ATP8B2: variants seen among roughly 807,000 people sequenced by gnomAD.
ATP8B2 encodes ATPase phospholipid transporting 8B2, also known as phospholipid-transporting ATPase ID.
Under a neutral mutation model 133.4 loss-of-function variants are expected in ATP8B2, and 70 were observed. The ratio of observed to expected loss-of-function variants is 0.52; its 90% CI spans 0.43 to 0.64. The LOEUF (loss-of-function observed/expected upper bound fraction) is 0.64, where lower values mean the gene tolerates loss of function less well. Among genes scored for constraint, ATP8B2 ranks in the 30% least tolerant of loss-of-function variants. The pLI, the probability that ATP8B2 is intolerant of heterozygous loss-of-function variation, is 0.00. For missense variants in ATP8B2, 1,101 were observed against 1,535.7 expected (o/e 0.72, Z 4.73); for synonymous variants, 517 against 589.5 (o/e 0.88, Z 1.78).
rs200445804 is a variant in ATP8B2 at position 154,342,982 on chromosome 1, G to C, written c.1453+21G>C. The stretch of plus-strand genomic sequence containing the variant: ...CGAAGGTGGGCCGAGGAGCCGGCTC[G>C]CACTCTCCTGACCTGACTCTGCCCT... On this transcript the variant is annotated intron_variant, in intron 15 of 27. Transcript: ENST00000368489. 11 of 1,611,936 alleles carry C rather than the reference G, an allele frequency of 6.8e-6. No homozygotes were observed. The Admixed American group carries it at 1.0e-4, about 15-fold the overall frequency.
Position 154,344,738 on chromosome 1 carries a change from G to A in ATP8B2, c.2239G>A (p.Glu747Lys), listed in dbSNP as rs755131540. ...LSSSKLTSVL[E>K]AVAGEYALVI... ...TTCTTCCAAGCTAACTTCTGTCCTG[G>A]AGGCCGTTGCTGGGGAGTACGCCCT... The change falls in exon 21 of 28, where the codon GAG (glutamate) becomes AAG (lysine). Residue 747 changes from glutamate to lysine, a missense_variant. Physicochemically the swap from Glu to Lys is moderately conservative, Grantham distance 56. Transcript: ENST00000368489. This position sits in a 1 kb window ranked among gnomAD's most constrained non-coding sequence, Gnocchi z 4.1. 3.7e-6 allele frequency: 6 copies of A among 1,610,350 alleles called. No individual in the cohort carries two copies. In the South Asian group the frequency reaches 6.6e-5, roughly 18 times the overall value.
At chr1:154,327,096 A>G (rs1685814824) in intron 1 of ATP8B2, among the ~76,000 whole-genome samples, 1 of 152,230 alleles carries the variant, frequency 6.6e-6, no homozygotes, top group South Asian at 2.1e-4. Context: ...GGTTGTGGCC[A>G]GAATCTGTAA....
chr1:154,344,045 G>A lies in ATP8B2; in HGVS notation c.1911G>A (p.Glu637=). Residue 637 remains glutamate, a synonymous_variant, in exon 18 of 28, where the codon GAG becomes GAA. Coordinates refer to ENST00000368489, the MANE Select transcript of ATP8B2 (RefSeq NM_001370597.1). This position sits in a 1 kb window ranked among gnomAD's most constrained non-coding sequence, Gnocchi z 4.1. The part of the protein sequence containing the change: ...DRLASIYEEV[E]NNMMLLGATA... Reference sequence around the variant, plus strand: ...TGGCTAGCATCTATGAGGAGGTTGAGAACAACATGATGGTACGGGCTGCGG... The same window carrying A: ...TGGCTAGCATCTATGAGGAGGTTGAAAACAACATGATGGTACGGGCTGCGG... 6.2e-7 allele frequency: 1 copy of A among 1,614,040 alleles called. No homozygotes were observed. Among genetic ancestry groups the A allele is most frequent in the South Asian group, 1.1e-5 (1 of 91,072 alleles).
Position 154,334,708 on chromosome 1 carries a change from G to T in ATP8B2, c.837+117G>T. 1 of 780,994 alleles carries T rather than the reference G, an allele frequency of 1.3e-6. No homozygotes were observed. 48.4% of individuals were successfully genotyped at this position (780,994 alleles called of 1,614,324 possible). ...TTCAGGTTTGGCTTTAAAGCTGCTA[G>T]CAGGTCAGCTACACAAAGGCAGTGT... On this transcript the variant is annotated intron_variant, in intron 11 of 27. Coordinates refer to ENST00000368489, the MANE Select transcript of ATP8B2 (RefSeq NM_001370597.1). The surrounding 1 kb of genome is among the most constrained non-coding windows in gnomAD (Gnocchi z 4.6).
In ATP8B2 at chr1:154,337,389, T is replaced by G. The variant is rs1257328745; in HGVS notation, c.879T>G (p.Ile293Met). 1 of 1,614,182 alleles carries G rather than the reference T, an allele frequency of 6.2e-7. No homozygotes were observed. The highest frequency in any genetic ancestry group is 1.3e-5 in the African/African-American group (1 of 75,050). ...TTTGCATGGGGGTGATCCTGGCCATTGGCAATGCCATCTGGGAGCACGAGG... is the reference window on the plus strand; with the variant it reads ...TTTGCATGGGGGTGATCCTGGCCATGGGCAATGCCATCTGGGAGCACGAGG... Reference protein sequence around the residue: ...FLVCMGVILAIGNAIWEHEVG... With the variant: ...FLVCMGVILAMGNAIWEHEVG... Residue 293 changes from isoleucine (I) to methionine (M), a missense_variant, in exon 12 of 28, where the codon ATT becomes ATG. By Grantham distance (10) the Ile-to-Met change is conservative (BLOSUM62 1). Transcript: ENST00000368489.
chr1:154,330,311 G>A, intron 2 of ATP8B2, 85 bp from the exon 3 acceptor site: 3 of 1,221,244 alleles, frequency 2.5e-6, no homozygotes, highest in Non-Finnish European at 3.6e-6. Context: ...ATGATATTCT[G>A]TGGAAAAAAA....
rs1291433051 is a variant in ATP8B2 at position 154,343,916 on chromosome 1, G to A, written c.1782G>A (p.Arg594=). The part of the protein sequence containing the change: ...HLNEYAGEGL[R]TLVLAYKDLD... ...AGGAGTACGCAGGGGAAGGGCTGAGGACCCTGGTGCTGGCCTACAAGGATC... is the reference window on the plus strand; with the variant it reads ...AGGAGTACGCAGGGGAAGGGCTGAGAACCCTGGTGCTGGCCTACAAGGATC... Residue 594 remains arginine, a synonymous_variant, in exon 18 of 28, where the codon AGG becomes AGA. Transcript: ENST00000368489. This position sits in a 1 kb window ranked among gnomAD's most constrained non-coding sequence, Gnocchi z 5.8. 1 of 1,612,908 alleles carries A rather than the reference G, an allele frequency of 6.2e-7. No individual in the cohort carries two copies. Among genetic ancestry groups the A allele is most frequent in the Non-Finnish European group, 8.5e-7 (1 of 1,179,492 alleles).
In ATP8B2 at chr1:154,343,959, G is replaced by A. The variant is rs753948391; in HGVS notation, c.1825G>A (p.Glu609Lys). ...AYKDLDEEYYEEWAERRLQAS... is the reference protein window; with the variant it reads ...AYKDLDEEYYKEWAERRLQAS... ...CAAGGATCTGGATGAAGAGTACTAC[G>A]AGGAGTGGGCTGAGCGACGCCTCCA... Residue 609 changes from glutamate to lysine, a missense_variant, in exon 18 of 28, where the codon GAG becomes AAG. Transcript: ENST00000368489. This position sits in a 1 kb window ranked among gnomAD's most constrained non-coding sequence, Gnocchi z 5.8. 10 of 1,613,854 alleles carry A rather than the reference G, an allele frequency of 6.2e-6. No homozygotes were observed. The highest frequency in any genetic ancestry group is 2.2e-5 in the East Asian group (1 of 44,878).
At position 154,328,912 on chromosome 1, in the gene ATP8B2, C is replaced by T. The variant is rs896427112; in HGVS notation, c.31+740C>T. The T allele has an allele frequency of 4.7e-6, 6 of 1,281,890 alleles. No individual in the cohort carries two copies. Among genetic ancestry groups the T allele is most frequent in the Non-Finnish European group, 6.1e-6 (6 of 979,848 alleles). The allele number at this position is 1,281,890 out of a possible 1,614,324, so 79.4% of individuals were successfully genotyped here. On this transcript the variant is annotated intron_variant, in intron 2 of 27. Transcript: ENST00000368489. This position sits in a 1 kb window ranked among gnomAD's most constrained non-coding sequence, Gnocchi z 4.6. ...AGCGGCTGCGGCTCCTGCACCTCCCCGGGGAGCCGCCCCGTCGATGCCACT... is the reference window on the plus strand; with the variant it reads ...AGCGGCTGCGGCTCCTGCACCTCCCTGGGGAGCCGCCCCGTCGATGCCACT...
At position 154,328,981 on chromosome 1, in the gene ATP8B2, C is replaced by G. The variant is rs1202968457; in HGVS notation, c.31+809C>G. The stretch of plus-strand genomic sequence containing the variant: ...ACGGTCTGCCCTCCCCCACTCAAAC[C>G]GGGATCATGACGGTCCCCAAGGAGA... On this transcript the variant is annotated intron_variant, in intron 2 of 27. Transcript: ENST00000368489. This position sits in a 1 kb window ranked among gnomAD's most constrained non-coding sequence, Gnocchi z 4.6. 3 of 1,303,960 alleles carry G rather than the reference C, an allele frequency of 2.3e-6. No individual in the cohort carries two copies. The highest frequency in any genetic ancestry group is 5.6e-5 in the East Asian group (1 of 17,998). The allele number at this position is 1,303,960 out of a possible 1,614,324, so 80.8% of individuals were successfully genotyped here. A position where few individuals can be genotyped will look rare whatever the true frequency, so the allele number is the denominator to read the frequency against.
intron 13 of ATP8B2, among the ~76,000 whole-genome samples, chr1:154,342,101 T>C (rs1359007344): frequency 6.6e-6 from 1 of 152,082 alleles, no homozygotes; most frequent in Non-Finnish European, 1.5e-5. Context: ...TGTGACTGCT[T>C]TCTGTACTGA....
chr1:154,329,996 G>C (rs1465898357), intron 2 of ATP8B2, among the ~76,000 whole-genome samples: 32 of 152,128 alleles, frequency 2.1e-4, no homozygotes, highest in Admixed American at 2.1e-3. Flanking sequence ...GTGGTCCCCA[G>C]GGGGAAGGAA....
At position 154,330,022 on chromosome 1, in the gene ATP8B2, C is replaced by T. The variant is rs575527561; in HGVS notation, c.32-374C>T. Among the ~76,000 whole-genome samples, 4 of 152,246 alleles carry T rather than the reference C, an allele frequency of 2.6e-5. No individual in the cohort carries two copies. In the South Asian group the frequency reaches 6.2e-4, roughly 24 times the overall value. ...GGGGAAGGAAGCTTTGCGTTTTCAG[C>T]GCTACTCCTTGATTATGACAATGTA... On this transcript the variant is annotated intron_variant, in intron 2 of 27. Transcript: ENST00000368489.
intron 3 of ATP8B2, 30 bp downstream of exon 3, chr1:154,330,484 T>C (rs1186668351): frequency 6.2e-7 from 1 of 1,609,708 alleles, no homozygotes; most frequent in Non-Finnish European, 8.5e-7. Flanking sequence ...CTGTTCCCTC[T>C]CTCTGTTTGG....
In ATP8B2 at chr1:154,350,544, CCT is replaced by C. The variant is rs1212605802; in HGVS notation, c.*1431_*1432del. On this transcript the variant is annotated 3_prime_UTR_variant, in exon 28 of 28. Transcript: ENST00000368489. Reference sequence around the variant, plus strand: ...GAGATGAGGCTGGAACGGGAATTGGCCTCTCTGCTCCCTTCTTCAGTAAGCAA... The same window carrying C: ...GAGATGAGGCTGGAACGGGAATTGGCCTCTGCTCCCTTCTTCAGTAAGCAA... 6.6e-6 allele frequency: 1 copy of C among 152,296 alleles called. No homozygotes were observed. The highest frequency in any genetic ancestry group is 1.5e-5 in the Non-Finnish European group (1 of 68,104). The allele number at this position is 152,296 out of a possible 1,614,324, so 9.4% of individuals were successfully genotyped here. A position where few individuals can be genotyped will look rare whatever the true frequency, so the allele number is the denominator to read the frequency against.
intron 1 of ATP8B2, among the ~76,000 whole-genome samples, chr1:154,326,712 C>T (rs1042588699): frequency 6.6e-6 from 1 of 152,238 alleles, no homozygotes; most frequent in African/African-American, 2.4e-5. Context: ...GCGTGTGCAG[C>T]TCCTACATTA....
Position 154,343,899 on chromosome 1 carries a change from G to C in ATP8B2, c.1765G>C (p.Ala589Pro). The C allele has an allele frequency of 6.2e-7, 1 of 1,609,016 alleles. No individual in the cohort carries two copies. Among genetic ancestry groups the C allele is most frequent in the East Asian group, 2.2e-5 (1 of 44,830 alleles). Residue 589 changes from alanine (A) to proline (P), a missense_variant, in exon 18 of 28, where the codon GCA becomes CCA. By Grantham distance (27) the Ala-to-Pro change is conservative. Transcript: ENST00000368489. This position sits in a 1 kb window ranked among gnomAD's most constrained non-coding sequence, Gnocchi z 5.8. The part of the protein sequence containing the change: ...NTTMDHLNEY[A>P]GEGLRTLVLA... The stretch of plus-strand genomic sequence containing the variant: ...CTTTCCACTCTGCCTCCAGGAGTAC[G>C]CAGGGGAAGGGCTGAGGACCCTGGT...
At chr1:154,330,480 C>A in intron 3 of ATP8B2, 26 bp downstream of exon 3, 3 of 1,611,310 alleles carry the variant, frequency 1.9e-6, no homozygotes, top group Non-Finnish European at 2.5e-6. Context: ...CCACCTGTTC[C>A]CTCTCTCTGT....
chr1:154,344,947 C>G lies in ATP8B2; in HGVS notation c.2287-24C>G. 6.3e-7 allele frequency: 1 copy of G among 1,597,292 alleles called. No individual in the cohort carries two copies. The highest frequency in any genetic ancestry group is 8.5e-7 in the Non-Finnish European group (1 of 1,170,392). ...CAGGTGTCTCCTGGAAAGACTGGCT[C>G]TCTCAGGTTTCTCTGTGCTCCAGGC... On this transcript the variant is annotated intron_variant, in intron 21 of 27. Coordinates refer to ENST00000368489, the MANE Select transcript of ATP8B2 (RefSeq NM_001370597.1). The surrounding 1 kb of genome is among the most constrained non-coding windows in gnomAD (Gnocchi z 4.1).
Sources: allele counts gnomAD v4.1 joint callset (sites outside exome capture counted in the v4.1 genomes callset), GRCh38; gene constraint gnomAD v4.1.1; non-coding constraint Gnocchi (gnomAD v3.1); transcripts MANE v1.5; gene names NCBI Gene and HGNC (gene_info 2026-07-23, HGNC 2026-07-21).